IGFL2: variants seen among roughly 807,000 people sequenced by gnomAD.
The protein encoded by IGFL2 is insulin growth factor-like family member 2.
In IGFL2, 7 loss-of-function variants were observed where a neutral mutation model predicts 13.9. The ratio of observed to expected loss-of-function variants is 0.51; its 90% confidence interval spans 0.29 to 0.95. The LOEUF (loss-of-function observed/expected upper bound fraction) is 0.95. Among genes scored for constraint, IGFL2 ranks in the 40% least tolerant of loss-of-function variants. The pLI, the probability that IGFL2 is intolerant of heterozygous loss-of-function variation, is 0.08. For missense variants in IGFL2, 138 were observed against 147.8 expected (o/e 0.93, Z 0.34); for synonymous variants, 55 against 55.8 (o/e 0.99, Z 0.07).
At chr19:46,086,235 T>A in the IGFL2 span, among the ~76,000 whole-genome samples, 15 of 152,200 alleles carry the variant, frequency 9.9e-5, no homozygotes, top group Non-Finnish European at 2.1e-4. Context: ...TTTCTAATAT[T>A]GTTGGTTTTT....
chr19:46,083,191 GTTAC>G, the IGFL2 span, among the ~76,000 whole-genome samples: 4 of 152,170 alleles, frequency 2.6e-5, no homozygotes, highest in African/African-American at 4.8e-5. Context: ...TTCCAGGGCT[GTTAC>G]TGACTGGATG....
the IGFL2 span, chr19:46,196,873 C>G: frequency 6.5e-6 from 1 of 153,132 alleles, no homozygotes; most frequent in Admixed American, 6.5e-5. Context: ...CTTGGCGTCT[C>G]TCTGCATCCT....
intron 1 of IGFL2, among the ~76,000 whole-genome samples, chr19:46,153,837 A>AT (rs1456674747): frequency 0.032 from 4,476 of 140,276 alleles, 95 homozygotes; most frequent in African/African-American, 0.062. Flanking sequence ...ATATATATAT[A>AT]TATTTTTTTT....
the IGFL2 span, among the ~76,000 whole-genome samples, chr19:46,211,228 G>A: frequency 6.6e-6 from 1 of 152,314 alleles, no homozygotes; most frequent in African/African-American, 2.4e-5. Flanking sequence ...TCATACGAAG[G>A]ATCCTGCCAG....
chr19:46,086,376 G>T, the IGFL2 span, among the ~76,000 whole-genome samples: 2 of 151,918 alleles, frequency 1.3e-5, no homozygotes, highest in Non-Finnish European at 2.9e-5. Flanking sequence ...CCAGGTTGGA[G>T]TGCAGTGGTA....
At chr19:46,125,570 C>T in the IGFL2 span, among the ~76,000 whole-genome samples, 2 of 152,216 alleles carry the variant, frequency 1.3e-5, no homozygotes, top group Non-Finnish European at 2.9e-5. Flanking sequence ...AAGGATTGGC[C>T]AGACTTTCCA....
At chr19:46,152,352 A>G (rs918923646) in intron 1 of IGFL2, among the ~76,000 whole-genome samples, 3 of 151,458 alleles carry the variant, frequency 2.0e-5, no homozygotes, top group South Asian at 2.1e-4. Context: ...TCATAGCTCA[A>G]TGCAGCTTCG....
upstream of IGFL2, among the ~76,000 whole-genome samples, chr19:46,139,372 A>T (rs1397616401): frequency 1.3e-5 from 2 of 151,384 alleles, no homozygotes; most frequent in African/African-American, 4.9e-5. Flanking sequence ...GAAATCATTC[A>T]AATTGAATTC....
the IGFL2 span, chr19:46,123,971 G>T: frequency 6.2e-7 from 1 of 1,611,510 alleles, no homozygotes; most frequent in Non-Finnish European, 8.5e-7. Flanking sequence ...TTCTGCTGGG[G>T]GCCAAAAGAC....
chr19:46,195,405 C>T, the IGFL2 span, among the ~76,000 whole-genome samples: 1 of 152,130 alleles, frequency 6.6e-6, no homozygotes, highest in Non-Finnish European at 1.5e-5. Context: ...AAAACCATGA[C>T]TATTACACCC....
At chr19:46,163,240 G>A (rs1457722295), downstream of IGFL2, among the ~76,000 whole-genome samples, 5 of 152,138 alleles carry the variant, frequency 3.3e-5, no homozygotes, top group African/African-American at 1.2e-4. Context: ...ATTATGACTT[G>A]GGACTCCTGG....
downstream of IGFL2, chr19:46,161,366 A>G (rs1298358850): frequency 2.8e-6 from 1 of 353,354 alleles, no homozygotes; most frequent in Non-Finnish European, 5.1e-6. Context: ...AGACTATTCA[A>G]GACTATTGCA....
the IGFL2 span, among the ~76,000 whole-genome samples, chr19:46,188,906 G>C: frequency 6.6e-6 from 1 of 152,226 alleles, no homozygotes; most frequent in Non-Finnish European, 1.5e-5. Context: ...AGGCAACTGC[G>C]AAGTCTTCCA....
intron 1 of IGFL2, chr19:46,159,136 C>T (rs1973991598): frequency 6.6e-6 from 1 of 152,244 alleles, no homozygotes; most frequent in Admixed American, 6.5e-5. Flanking sequence ...TTCTCTGGTT[C>T]TCTTTTGGAG....
chr19:46,118,302 A>G, the IGFL2 span, among the ~76,000 whole-genome samples: 2 of 152,260 alleles, frequency 1.3e-5, no homozygotes, highest in South Asian at 2.1e-4. Context: ...GTAGATACTC[A>G]CATTTCAAAC....
At chr19:46,089,215 T>A in the IGFL2 span, among the ~76,000 whole-genome samples, 1 of 152,206 alleles carries the variant, frequency 6.6e-6, no homozygotes, top group South Asian at 2.1e-4. Flanking sequence ...AGTTATCATA[T>A]GTTATTTTAA....
the IGFL2 span, among the ~76,000 whole-genome samples, chr19:46,103,423 A>G: frequency 6.6e-6 from 1 of 152,320 alleles, no homozygotes; most frequent in South Asian, 2.1e-4. Flanking sequence ...TGGCACAAGA[A>G]CGGGAATGAG....
chr19:46,082,750 C>A, the IGFL2 span, among the ~76,000 whole-genome samples: 1 of 151,686 alleles, frequency 6.6e-6, no homozygotes, highest in Admixed American at 6.6e-5. Context: ...TTGATAGGAA[C>A]GTTATTTTGA....
intron 1 of IGFL2, among the ~76,000 whole-genome samples, chr19:46,149,546 C>A (rs952780768): frequency 2.0e-5 from 3 of 151,842 alleles, no homozygotes; most frequent in African/African-American, 7.3e-5. Flanking sequence ...CCCCTCTACC[C>A]TCACCCTTGG....
Sources: allele counts gnomAD v4.1 joint callset (sites outside exome capture counted in the v4.1 genomes callset), GRCh38; gene constraint gnomAD v4.1.1; transcripts MANE v1.5; gene names NCBI Gene and HGNC (gene_info 2026-07-23, HGNC 2026-07-21).